The following IP6K1 variants were observed in gnomAD, a reference collection of about 807,000 sequenced individuals.
The protein encoded by IP6K1 is ATP:1D-myo-inositol-hexakisphosphate phosphotransferase.
In IP6K1, 13 loss-of-function variants were observed where a neutral mutation model predicts 38.3. The observed-to-expected ratio is 0.34, with a 90% confidence interval of 0.22 to 0.54. The LOEUF is 0.54. Among genes scored for constraint, IP6K1 ranks in the 20% least tolerant of loss-of-function variants. The pLI is 0.92. For synonymous variants in IP6K1, 212 were observed against 229.9 expected, an observed-to-expected ratio of 0.92 and a Z score of 0.70; for missense variants, 397 against 599.8, an observed-to-expected ratio of 0.66 and a Z score of 3.53.
intron 1 of IP6K1, among the ~76,000 whole-genome samples, chr3:49,784,894 G>A (rs1414420102): frequency 6.6e-6 from 1 of 152,124 alleles, no homozygotes; most frequent in Non-Finnish European, 1.5e-5. Flanking sequence ...GCAGTGAGCC[G>A]AGATGGCACC....
At chr3:49,784,994 G>A (rs536316325) in intron 1 of IP6K1, among the ~76,000 whole-genome samples, 4 of 152,186 alleles carry the variant, frequency 2.6e-5, no homozygotes, top group South Asian at 2.1e-4. Flanking sequence ...AAGTATTGTC[G>A]CTTGACTTCT....
chr3:49,727,972 C>T lies in IP6K1; in HGVS notation c.792+131G>A. On this transcript the variant is annotated intron_variant, in intron 5 of 5. Transcript: ENST00000321599. This position sits in a 1 kb window ranked among gnomAD's most constrained non-coding sequence, Gnocchi z 5.9. The stretch of plus-strand genomic sequence containing the variant: ...TCTCACAGTGGTCCTGCACCTGAGG[C>T]CCATATCAAAGTCAACAGGTAAGGA... The T allele has an allele frequency of 1.2e-6, 1 of 866,876 alleles. No homozygotes were observed. Among genetic ancestry groups the T allele is most frequent in the Non-Finnish European group, 1.8e-6 (1 of 550,282 alleles). 53.7% of individuals were successfully genotyped at this position (866,876 alleles called of 1,614,324 possible).
In IP6K1 at chr3:49,735,392, A is replaced by C. The variant is rs371901134; in HGVS notation, c.435-2420T>G. ...AGAGTGGGGGGAAAAGCCCACCCTA[A>C]AGCGCTGTTCAGAGAGAACCATCAA... On this transcript the variant is annotated intron_variant, in intron 3 of 5. Transcript: ENST00000321599. Among the ~76,000 whole-genome samples the C allele has an allele frequency of 3.9e-5, 6 of 152,222 alleles. No homozygotes were observed. The South Asian group carries it at 1.0e-3, about 26-fold the overall frequency.
At chr3:49,746,630 G>A (rs1287363924) in intron 2 of IP6K1, among the ~76,000 whole-genome samples, 2 of 147,170 alleles carry the variant, frequency 1.4e-5, no homozygotes, top group Non-Finnish European at 1.5e-5. Flanking sequence ...AACCAAGATC[G>A]CGCCACTGCA....
At chr3:49,734,394 C>CTTTTTTT (rs71735078) in intron 3 of IP6K1, among the ~76,000 whole-genome samples, 1 of 87,286 alleles carries the variant, frequency 1.1e-5, no homozygotes, top group Non-Finnish European at 2.2e-5. Context: ...ACCGTAATTT[C>CTTTTTTT]TTTTTTTTTT....
At chr3:49,766,749 C>T (rs1575323582) in intron 1 of IP6K1, among the ~76,000 whole-genome samples, 1 of 151,216 alleles carries the variant, frequency 6.6e-6, no homozygotes, top group East Asian at 1.9e-4. Context: ...GAGCAGATCA[C>T]TAGGTCAGGA....
At chr3:49,759,663 T>A (rs1390443449) in intron 1 of IP6K1, among the ~76,000 whole-genome samples, 6 of 151,946 alleles carry the variant, frequency 3.9e-5, no homozygotes, top group Non-Finnish European at 7.4e-5. Flanking sequence ...TTTATTAGAG[T>A]CTTAGACTAG....
At chr3:49,754,305 G>C (rs899307961) in intron 1 of IP6K1, among the ~76,000 whole-genome samples, 4 of 152,028 alleles carry the variant, frequency 2.6e-5, no homozygotes, top group Non-Finnish European at 5.9e-5. Context: ...GAGCCCAGGA[G>C]GTGGAGGTTG....
chr3:49,739,468 C>T (rs1314229673), intron 2 of IP6K1, among the ~76,000 whole-genome samples: 3 of 151,746 alleles, frequency 2.0e-5, no homozygotes, highest in Non-Finnish European at 4.4e-5. Flanking sequence ...ATTCTCTTGC[C>T]TCAGCCTCCT....
intron 2 of IP6K1, among the ~76,000 whole-genome samples, chr3:49,740,220 T>G (rs1040147011): frequency 1.4e-5 from 2 of 142,846 alleles, no homozygotes; most frequent in Non-Finnish European, 3.0e-5. Context: ...AACATAAAAT[T>G]TGCAATTCTT....
intron 1 of IP6K1, among the ~76,000 whole-genome samples, chr3:49,755,466 G>T (rs566115618): frequency 2.6e-5 from 4 of 152,190 alleles, no homozygotes; most frequent in Admixed American, 2.0e-4. Flanking sequence ...GTTAAACTTG[G>T]TAAGTCAGGA....
chr3:49,728,372 C>T, intron 4 of IP6K1, 94 bp from the exon 5 acceptor site: 1 of 1,186,542 alleles, frequency 8.4e-7, no homozygotes, highest in Non-Finnish European at 1.2e-6. Context: ...GGGCTTTTAC[C>T]TAATGCAGTA....
At chr3:49,770,794 T>G (rs1333840146) in intron 1 of IP6K1, among the ~76,000 whole-genome samples, 1 of 152,174 alleles carries the variant, frequency 6.6e-6, no homozygotes, top group African/African-American at 2.4e-5. Flanking sequence ...AAATCGGACT[T>G]CATCAAAATT....
intron 2 of IP6K1, among the ~76,000 whole-genome samples, chr3:49,740,636 AGCATAGTGTTT>A (rs2108230670): frequency 6.6e-6 from 1 of 152,276 alleles, no homozygotes; most frequent in Non-Finnish European, 1.5e-5. Context: ...TAGTTCACTT[AGCATAGTGTTT>A]GCAAGGTTCA....
intron 1 of IP6K1, among the ~76,000 whole-genome samples, chr3:49,768,863 C>T (rs1321470632): frequency 6.6e-6 from 1 of 151,914 alleles, no homozygotes; most frequent in Non-Finnish European, 1.5e-5. Flanking sequence ...TGGGGTGTTA[C>T]TATATAATGG....
intron 4 of IP6K1, among the ~76,000 whole-genome samples, chr3:49,731,907 G>GAAAAAAAAAAA (rs1277207284): frequency 1.0e-4 from 7 of 69,038 alleles, no homozygotes; most frequent in Admixed American, 5.5e-4. Flanking sequence ...AAAAAAAAAG[G>GAAAAAAAAAAA]AATTCCTATG....
intron 1 of IP6K1, among the ~76,000 whole-genome samples, chr3:49,761,847 G>A (rs2080870681): frequency 6.6e-6 from 1 of 151,912 alleles, no homozygotes; most frequent in Non-Finnish European, 1.5e-5. Context: ...TTTGGAGGCT[G>A]AGGCACCGAG....
chr3:49,769,660 T>C (rs935862569), intron 1 of IP6K1, among the ~76,000 whole-genome samples: 5 of 152,186 alleles, frequency 3.3e-5, no homozygotes, highest in Non-Finnish European at 7.3e-5. Flanking sequence ...AGGGACTCAT[T>C]CTAATGAAAA....
At chr3:49,774,235 T>C (rs898884149) in intron 1 of IP6K1, among the ~76,000 whole-genome samples, 2 of 151,316 alleles carry the variant, frequency 1.3e-5, no homozygotes, top group Admixed American at 6.6e-5. Context: ...TGAAACCCCA[T>C]CTCTACTAAA....
Sources: allele counts gnomAD v4.1 joint callset (sites outside exome capture counted in the v4.1 genomes callset), GRCh38; gene constraint gnomAD v4.1.1; non-coding constraint Gnocchi (gnomAD v3.1); transcripts MANE v1.5; gene names NCBI Gene and HGNC (gene_info 2026-07-23, HGNC 2026-07-21).